Variants in B4GALNT4 observed in about 807,000 individuals in gnomAD.
B4GALNT4 encodes the protein N-acetyl-beta-glucosaminyl-glycoprotein 4-beta-N-acetylgalactosaminyltransferase 1.
A neutral mutation model predicts 110.0 loss-of-function variants in B4GALNT4; 77 were observed. The ratio of observed to expected loss-of-function variants is 0.70; its 90% CI spans 0.58 to 0.85. The LOEUF is 0.85. Among genes scored for constraint, B4GALNT4 ranks in the 40% least tolerant of loss-of-function variants. The pLI is 0.00. For missense variants in B4GALNT4, 1,575 were observed against 1,506.0 expected, an observed-to-expected ratio of 1.05 and a Z score of -0.76; for synonymous variants, 785 against 655.5, an observed-to-expected ratio of 1.20 and a Z score of -3.02.
chr11:381,887 T>C lies in B4GALNT4; in HGVS notation c.*95T>C. 1 of 1,370,456 alleles carries C rather than the reference T, an allele frequency of 7.3e-7. No homozygotes were observed. The highest frequency in any genetic ancestry group is 9.5e-7 in the Non-Finnish European group (1 of 1,049,290). 84.9% of individuals were successfully genotyped at this position (1,370,456 alleles called of 1,614,324 possible). ...GTCCCGAGAGACCCGGCAGGGCTGG[T>C]CAGAGGGGCACAGCCACCGCCTGTG... On this transcript the variant is annotated 3_prime_UTR_variant, in exon 20 of 20. Transcript: ENST00000329962.
Position 376,316 on chromosome 11 carries a change from T to A in B4GALNT4, c.1262T>A (p.Val421Glu). ...EEGDEDEEDE[V>E]QRRAFLFLNP... ...GGGGATGAGGATGAAGAAGACGAGG[T>A]GCAGCGCCGAGCCTTCCTCTTCCTC... Residue 421 changes from valine to glutamate, a missense_variant, in exon 13 of 20, where the codon GTG becomes GAG. Val to Glu is a moderately radical substitution (Grantham distance 121, BLOSUM62 -2). Coordinates refer to ENST00000329962, the MANE Select transcript of B4GALNT4 (RefSeq NM_178537.5). The A allele has an allele frequency of 1.2e-6, 2 of 1,609,942 alleles. No individual in the cohort carries two copies. The highest frequency in any genetic ancestry group is 2.2e-5 in the South Asian group (2 of 90,946).
intron 1 of B4GALNT4, among the ~76,000 whole-genome samples, chr11:371,623 T>C (rs1846620024): frequency 6.6e-6 from 1 of 152,222 alleles, no homozygotes; most frequent in African/African-American, 2.4e-5. Flanking sequence ...AGAGCTCAAA[T>C]CCTTCAGGAG....
At position 379,445 on chromosome 11, in the gene B4GALNT4, C is replaced by T; in HGVS notation, c.2232C>T (p.Asn744=). Residue 744 remains asparagine, a synonymous_variant, in exon 15 of 20, where the codon AAC becomes AAT. Coordinates refer to ENST00000329962, the MANE Select transcript of B4GALNT4 (RefSeq NM_178537.5). ...GGRFALLRIV[N]VEKRRDSARG... is the part of the protein sequence containing the mutation. ...GCTTCGCGCTTCTGCGCATCGTGAA[C>T]GTGGAGAAGCGCCGGGACTCGGCGC... 1 of 1,543,430 alleles carries T rather than the reference C, an allele frequency of 6.5e-7. No homozygotes were observed. The highest frequency in any genetic ancestry group is 8.7e-7 in the Non-Finnish European group (1 of 1,153,276).
chr11:375,890 C>T lies in B4GALNT4; in HGVS notation c.1029C>T (p.Pro343=), dbSNP rs1425996414. The T allele has an allele frequency of 1.2e-6, 2 of 1,611,882 alleles. No homozygotes were observed. The highest frequency in any genetic ancestry group is 2.2e-5 in the East Asian group (1 of 44,846). ...ESSSLENVLE[P]CAYAPTYVVK... ...CGAGCCTGGAGAACGTGCTGGAGCC[C>T]TGCGCCTACGCCCCCACCTACGTGG... is the stretch of plus-strand genomic sequence containing the variant. The change falls in exon 11 of 20, where the codon CCC becomes CCT. Residue 343 remains proline (P), a synonymous_variant. Transcript: ENST00000329962.
intron 18 of B4GALNT4, 148 bp from the exon 19 acceptor site, chr11:380,677 G>A: frequency 7.2e-7 from 1 of 1,397,846 alleles, no homozygotes; most frequent in Non-Finnish European, 1.0e-6. Context: ...CCAGGGTCAT[G>A]ACCCAGTACC....
Position 381,919 on chromosome 11 carries a change from CCT to C in B4GALNT4, c.*132_*133del. On this transcript the variant is annotated 3_prime_UTR_variant, in exon 20 of 20. Transcript: ENST00000329962. Reference sequence around the variant, plus strand: ...GGCACAGCCACCGCCTGTGCCTGCCCCTCTCTGGCCCACTGGGCGTCGTGCCC... The same window carrying C: ...GGCACAGCCACCGCCTGTGCCTGCCCCTCTGGCCCACTGGGCGTCGTGCCC... 1 of 1,171,534 alleles carries C rather than the reference CCT, an allele frequency of 8.5e-7. No individual in the cohort carries two copies. The highest frequency in any genetic ancestry group is 1.1e-6 in the Non-Finnish European group (1 of 892,004). The allele number at this position is 1,171,534 out of a possible 1,614,324, so 72.6% of individuals were successfully genotyped here.
intron 3 of B4GALNT4, 21 bp from the exon 4 acceptor site, chr11:372,831 G>T: frequency 6.3e-7 from 1 of 1,592,664 alleles, no homozygotes; most frequent in Non-Finnish European, 8.5e-7. Flanking sequence ...CGTGCAGAAG[G>T]TAAGGCCCCC....
rs1384411810 is a variant in B4GALNT4, at chr11:376,519, G to A, written c.1396G>A (p.Ala466Thr). The change falls in exon 14 of 20, where the codon GCC becomes ACC. Residue 466 changes from alanine to threonine, a missense_variant. By Grantham distance (58) the Ala-to-Thr change is moderately conservative. Transcript: ENST00000329962. The part of the protein sequence containing the change: ...RSGPQSPAPA[A>T]PAQPGATLAP... ...CGGCCCCCAGTCCCCCGCCCCAGCA[G>A]CCCCCGCCCAGCCCGGAGCCACCCT... 7.1e-7 allele frequency: 1 copy of A among 1,409,494 alleles called. No homozygotes were observed. The highest frequency in any genetic ancestry group is 2.5e-5 in the Admixed American group (1 of 40,524). The allele number at this position is 1,409,494 out of a possible 1,614,324, so 87.3% of individuals were successfully genotyped here.
At chr11:379,193 GC>G (rs1001483034) in intron 14 of B4GALNT4, among the ~76,000 whole-genome samples, 15 of 152,214 alleles carry the variant, frequency 9.9e-5, no homozygotes, top group Non-Finnish European at 1.6e-4. Flanking sequence ...GTGAGGATGG[GC>G]CTGGGCTCGC....
chr11:374,431 TGTGTCTG>T (rs1846683805), intron 8 of B4GALNT4, among the ~76,000 whole-genome samples: 1 of 150,490 alleles, frequency 6.6e-6, no homozygotes, highest in South Asian at 2.1e-4. Context: ...CGATGGTGCC[TGTGTCTG>T]GTGTGTGGAG....
rs749218833 is a variant in B4GALNT4, at chr11:376,247, C to A, written c.1197-4C>A. The A allele has an allele frequency of 6.2e-7, 1 of 1,608,500 alleles. No individual in the cohort carries two copies. Among genetic ancestry groups the A allele is most frequent in the Admixed American group, 1.7e-5 (1 of 59,720 alleles). ...CTCGGCTCTGATGCCCCGCCGCGCCCCAGGTTTGGGTTCTATAAATACATG... is the reference window on the plus strand; with the variant it reads ...CTCGGCTCTGATGCCCCGCCGCGCCACAGGTTTGGGTTCTATAAATACATG... On this transcript the variant is annotated splice_region_variant and splice_polypyrimidine_tract_variant and intron_variant, in intron 12 of 19. Coordinates refer to ENST00000329962, the MANE Select transcript of B4GALNT4 (RefSeq NM_178537.5).
At position 379,468 on chromosome 11, in the gene B4GALNT4, C is replaced by T. The variant is rs1846825537; in HGVS notation, c.2255C>T (p.Ala752Val). 1 of 1,558,940 alleles carries T rather than the reference C, an allele frequency of 6.4e-7. No homozygotes were observed. Among genetic ancestry groups the T allele is most frequent in the Non-Finnish European group, 8.6e-7 (1 of 1,160,202 alleles). ...IVNVEKRRDS[A>V]RGSRFLLELE... Reference sequence around the variant, plus strand: ...AACGTGGAGAAGCGCCGGGACTCGGCGCGAGGGAGTCGCTTCCTGCTGGAG... The same window carrying T: ...AACGTGGAGAAGCGCCGGGACTCGGTGCGAGGGAGTCGCTTCCTGCTGGAG... The change falls in exon 15 of 20, where the codon GCG (alanine) becomes GTG (valine). Residue 752 changes from alanine to valine, a missense_variant. Coordinates refer to ENST00000329962, the MANE Select transcript of B4GALNT4 (RefSeq NM_178537.5).
chr11:373,419 C>T lies in B4GALNT4; in HGVS notation c.637-30C>T, dbSNP rs114282733. 5.7e-5 allele frequency: 62 copies of T among 1,084,216 alleles called. 3 individuals are homozygous for T. Among genetic ancestry groups the T allele is most frequent in the African/African-American group, 1.5e-4 (7 of 46,186 alleles). 67.2% of individuals were successfully genotyped at this position (1,084,216 alleles called of 1,614,324 possible). On this transcript the variant is annotated intron_variant, in intron 6 of 19. Transcript: ENST00000329962. ...CAGGGAGAGAGTGAACCCCCCCCCC[C>T]ACCACCACCCCTGCTCTATCACCCC...
chr11:376,855 A>G lies in B4GALNT4; in HGVS notation c.1732A>G (p.Arg578Gly). 1 of 1,324,348 alleles carries G rather than the reference A, an allele frequency of 7.6e-7. No homozygotes were observed. The highest frequency in any genetic ancestry group is 4.0e-5 in the Admixed American group (1 of 25,250). The allele number at this position is 1,324,348 out of a possible 1,614,324, so 82.0% of individuals were successfully genotyped here. A position where few individuals can be genotyped will look rare whatever the true frequency, so the allele number is the denominator to read the frequency against. Residue 578 changes from arginine (R) to glycine (G), a missense_variant, in exon 14 of 20, where the codon AGG becomes GGG. Transcript: ENST00000329962. ...ACGCCCACCCCGGCCCCACGGCCGC[A>G]GGACCGGCGGCCCCCAGGCCACACA... is the stretch of plus-strand genomic sequence containing the variant. ...PPRPPRPHGR[R>G]TGGPQATQPR...
chr11:371,173 G>A (rs780236392), intron 1 of B4GALNT4, among the ~76,000 whole-genome samples: 8 of 152,184 alleles, frequency 5.3e-5, no homozygotes, highest in South Asian at 2.1e-4. Context: ...AGCCAGCTCC[G>A]CCCCAGGGCA....
chr11:373,339 G>C lies in B4GALNT4; in HGVS notation c.636+48G>C, dbSNP rs150595833. 1.4e-5 allele frequency: 22 copies of C among 1,587,532 alleles called. No individual in the cohort carries two copies. In the Admixed American group the frequency reaches 3.6e-4, roughly 26 times the overall value. ...GTCGTCCCGGGCCTCCTGCAGCTCA[G>C]TCACCTGTGCCCACCAGCCTCTTGG... On this transcript the variant is annotated intron_variant, in intron 6 of 19. Coordinates refer to ENST00000329962, the MANE Select transcript of B4GALNT4 (RefSeq NM_178537.5).
In B4GALNT4 at chr11:377,295, G is replaced by A. The variant is rs1375175369; in HGVS notation, c.2172G>A (p.Gln724=). 1.3e-6 allele frequency: 2 copies of A among 1,573,132 alleles called. No homozygotes were observed. Among genetic ancestry groups the A allele is most frequent in the Non-Finnish European group, 1.7e-6 (2 of 1,163,208 alleles). ...CGGAGGCCGTGGACGTGACCGCTCA[G>A]TACATGGAGCGGCTGAACGCGCGCC... ...PEAEAVDVTA[Q]YMERLNARHG... The change falls in exon 14 of 20, where the codon CAG becomes CAA. Residue 724 remains glutamine, a synonymous_variant. Coordinates refer to ENST00000329962, the MANE Select transcript of B4GALNT4 (RefSeq NM_178537.5).
Position 380,038 on chromosome 11 carries a change from A to C in B4GALNT4, c.2642+19A>C, listed in dbSNP as rs760565450. 6 of 1,607,818 alleles carry C rather than the reference A, an allele frequency of 3.7e-6. No individual in the cohort carries two copies. The highest frequency in any genetic ancestry group is 5.1e-6 in the Non-Finnish European group (6 of 1,176,366). Reference sequence around the variant, plus strand: ...TGCCCCGGTAACGACCCCTACTTCCACCTGGGCGGACCCAGCGCAGCTTTC... The same window carrying C: ...TGCCCCGGTAACGACCCCTACTTCCCCCTGGGCGGACCCAGCGCAGCTTTC... On this transcript the variant is annotated intron_variant, in intron 16 of 19. Transcript: ENST00000329962.
rs764552917 is a variant in B4GALNT4 at position 380,339 on chromosome 11, A to G, written c.2763A>G (p.Pro921=). The stretch of plus-strand genomic sequence containing the variant: ...TCTGCGACCTGCACATCCACTTCCC[A>G]CCCAACATCCTGGACGGCATCCGCA... ...VFLCDLHIHF[P]PNILDGIRKH... is the part of the protein sequence containing the mutation. Residue 921 remains proline, a synonymous_variant, in exon 18 of 20, where the codon CCA becomes CCG. Coordinates refer to ENST00000329962, the MANE Select transcript of B4GALNT4 (RefSeq NM_178537.5). 40 of 1,612,960 alleles carry G rather than the reference A, an allele frequency of 2.5e-5. No individual in the cohort carries two copies. The highest frequency in any genetic ancestry group is 3.4e-5 in the Non-Finnish European group (40 of 1,179,690).
Sources: allele counts gnomAD v4.1 joint callset (sites outside exome capture counted in the v4.1 genomes callset), GRCh38; gene constraint gnomAD v4.1.1; transcripts MANE v1.5; gene names NCBI Gene and HGNC (gene_info 2026-07-23, HGNC 2026-07-21).